The following TRIO variants were observed in gnomAD, a reference collection of about 807,000 sequenced individuals.
TRIO encodes triple functional domain protein.
In TRIO, 58 loss-of-function variants were observed where a neutral mutation model predicts 351.9. That is an observed-to-expected ratio of 0.16 (90% CI 0.13 to 0.21). The LOEUF (loss-of-function observed/expected upper bound fraction) is 0.21, where lower values mean the gene tolerates loss of function less well. Ranked by LOEUF, TRIO falls within the 10% of genes least tolerant of loss-of-function variation. TRIO has a pLI of 1.00. For missense variants in TRIO, 3,201 were observed against 4,027.8 expected (o/e 0.79, Z 5.56); for synonymous variants, 1,758 against 1,595.7 (o/e 1.10, Z -2.42).
chr5:14,283,777 A>T (rs146498449), intron 3 of TRIO, among the ~76,000 whole-genome samples: 2 of 152,118 alleles, frequency 1.3e-5, no homozygotes, highest in African/African-American at 4.8e-5. Context: ...CAAACAAACA[A>T]ACAAACAATT....
At chr5:14,435,891 A>G (rs1751542897) in intron 34 of TRIO, among the ~76,000 whole-genome samples, 1 of 152,180 alleles carries the variant, frequency 6.6e-6, no homozygotes, top group Admixed American at 6.5e-5. Context: ...GGAGTCAGCC[A>G]TTTCTCCAAG....
At chr5:14,363,586 T>A in intron 13 of TRIO, 146 bp from the exon 14 acceptor site, 1 of 617,482 alleles carries the variant, frequency 1.6e-6, no homozygotes, top group Non-Finnish European at 2.7e-6. Flanking sequence ...GAGGTGTGAT[T>A]TGTATACCAC....
chr5:14,205,277 A>G (rs1289183855), intron 1 of TRIO, among the ~76,000 whole-genome samples: 3 of 152,220 alleles, frequency 2.0e-5, no homozygotes, highest in African/African-American at 7.2e-5. Flanking sequence ...GTGGATTGCA[A>G]ATTCTTTGGA....
chr5:14,367,475 C>T (rs942378896), intron 16 of TRIO, among the ~76,000 whole-genome samples: 1 of 152,196 alleles, frequency 6.6e-6, no homozygotes, highest in Admixed American at 6.5e-5. Context: ...CAGCAAAACT[C>T]CTCAGATTCC....
At chr5:14,396,984 G>A in intron 28 of TRIO, 59 bp from the exon 29 acceptor site, 3 of 1,428,524 alleles carry the variant, frequency 2.1e-6, no homozygotes, top group Non-Finnish European at 2.9e-6. Context: ...TTTCTGCCAA[G>A]GTCTTATTGG....
intron 1 of TRIO, among the ~76,000 whole-genome samples, chr5:14,263,889 T>C (rs975544278): frequency 7.9e-5 from 12 of 152,222 alleles, no homozygotes; most frequent in African/African-American, 2.7e-4. Flanking sequence ...TATTCTGGCA[T>C]TAGGCAAACA....
chr5:14,312,041 C>G (rs926755071), intron 8 of TRIO, among the ~76,000 whole-genome samples: 14 of 152,144 alleles, frequency 9.2e-5, no homozygotes, highest in Admixed American at 9.2e-4. Flanking sequence ...TGTCTAGATG[C>G]TATTGTCTTT....
intron 1 of TRIO, among the ~76,000 whole-genome samples, chr5:14,264,703 C>T (rs914666443): frequency 1.2e-4 from 19 of 152,184 alleles, no homozygotes; most frequent in Non-Finnish European, 1.9e-4. Flanking sequence ...CAGCTAAAAC[C>T]CTTGATAGCA....
chr5:14,311,723 C>T (rs1738950502), intron 8 of TRIO, among the ~76,000 whole-genome samples: 1 of 152,206 alleles, frequency 6.6e-6, no homozygotes, highest in Non-Finnish European at 1.5e-5. Context: ...AAATCATTCC[C>T]AGGCTTCGTG....
At chr5:14,210,074 G>C (rs1302324470) in intron 1 of TRIO, among the ~76,000 whole-genome samples, 1 of 152,232 alleles carries the variant, frequency 6.6e-6, no homozygotes, top group Admixed American at 6.5e-5. Context: ...GCCACAACTA[G>C]GGCAGCGAGT....
At chr5:14,446,205 A>G (rs956942079) in intron 34 of TRIO, among the ~76,000 whole-genome samples, 6 of 152,058 alleles carry the variant, frequency 3.9e-5, no homozygotes, top group Admixed American at 2.0e-4. Context: ...CAGGCAGGGA[A>G]GAGTTCCTCA....
Position 14,487,694 on chromosome 5 carries a change from G to A in TRIO, c.7066G>A (p.Ala2356Thr). The part of the protein sequence containing the change: ...RHHPPVLVSS[A>T]ASSQAEADKM... ...CCACCCCCCCGTGCTGGTCTCCTCT[G>A]CAGCCTCGAGCCAGGCAGAGGCAGA... Residue 2356 changes from alanine (A) to threonine (T), a missense_variant, in exon 48 of 57, where the codon GCA becomes ACA. Around this residue, in one of 19 missense-constraint regions of TRIO, gnomAD observed 1,089 missense variants for 954.9 expected, o/e 1.14. Transcript: ENST00000344204. 2 of 1,437,082 alleles carry A rather than the reference G, an allele frequency of 1.4e-6. No individual in the cohort carries two copies. Among genetic ancestry groups the A allele is most frequent in the South Asian group, 1.4e-5 (1 of 70,926 alleles). 89.0% of individuals were successfully genotyped at this position (1,437,082 alleles called of 1,614,324 possible). A position where few individuals can be genotyped will look rare whatever the true frequency, so the allele number is the denominator to read the frequency against.
chr5:14,292,976 T>A, intron 5 of TRIO, 36 bp from the exon 6 acceptor site: 1 of 1,613,552 alleles, frequency 6.2e-7, no homozygotes, highest in Non-Finnish European at 8.5e-7. Context: ...TTTCTCTTTC[T>A]GGAGTGATTG....
intron 34 of TRIO, among the ~76,000 whole-genome samples, chr5:14,443,672 C>T (rs762692572): frequency 3.9e-5 from 6 of 152,222 alleles, no homozygotes; most frequent in Admixed American, 6.5e-5. Flanking sequence ...ATCCCCCTGT[C>T]CAAATGTGAA....
intron 40 of TRIO, among the ~76,000 whole-genome samples, chr5:14,474,853 C>T (rs1036188698): frequency 1.3e-5 from 2 of 152,008 alleles, no homozygotes; most frequent in African/African-American, 4.8e-5. Context: ...TTTTGGTTTT[C>T]GTAGACAAAC....
chr5:14,288,278 T>C (rs1160489568), intron 4 of TRIO, among the ~76,000 whole-genome samples: 1 of 152,214 alleles, frequency 6.6e-6, no homozygotes, highest in Non-Finnish European at 1.5e-5. Context: ...GATCTCTCCC[T>C]CAGGGCTCTT....
At chr5:14,358,111 A>G (rs2152335710) in intron 11 of TRIO, 67 bp from the exon 12 acceptor site, 1 of 1,533,172 alleles carries the variant, frequency 6.5e-7, no homozygotes, top group Non-Finnish European at 8.8e-7. Flanking sequence ...GGCCCCTTGG[A>G]CACCGGGCGG....
chr5:14,149,575 G>A (rs556944069), intron 1 of TRIO, among the ~76,000 whole-genome samples: 15 of 152,240 alleles, frequency 9.9e-5, no homozygotes, highest in South Asian at 4.2e-4. Context: ...GGCTACGAGC[G>A]GGGGGCAGAG....
At chr5:14,268,886 C>T (rs1447701297) in intron 1 of TRIO, among the ~76,000 whole-genome samples, 1 of 152,220 alleles carries the variant, frequency 6.6e-6, no homozygotes, top group Non-Finnish European at 1.5e-5. Context: ...TCTTTGTAGA[C>T]ACATTCAGTG....
Sources: allele counts gnomAD v4.1 joint callset (sites outside exome capture counted in the v4.1 genomes callset), GRCh38; gene constraint gnomAD v4.1.1; regional missense constraint gnomAD v4.1.1; transcripts MANE v1.5; gene names NCBI Gene and HGNC (gene_info 2026-07-23, HGNC 2026-07-21).